Variants in DYSF observed in about 807,000 individuals in gnomAD.
DYSF encodes dystrophy-associated fer-1-like 1.
A neutral mutation model predicts 274.9 loss-of-function variants in DYSF; 212 were observed. The ratio of observed to expected loss-of-function variants is 0.77; its 90% confidence interval spans 0.69 to 0.86. DYSF has a LOEUF of 0.86. Among genes scored for constraint, DYSF ranks in the 40% least tolerant of loss-of-function variants. DYSF has a pLI of 0.00. For missense variants in DYSF, 2,666 were observed against 2,783.2 expected, an observed-to-expected ratio of 0.96 and a Z score of 0.95; for synonymous variants, 1,091 against 1,078.7, an observed-to-expected ratio of 1.01 and a Z score of -0.22.
chr2:71,686,089 C>CA (rs2095353242), intron 55 of DYSF, among the ~76,000 whole-genome samples: 1 of 152,196 alleles, frequency 6.6e-6, no homozygotes, highest in Non-Finnish European at 1.5e-5. Context: ...CCAGGGTGCT[C>CA]AGAGTCCTCT....
At chr2:71,473,918 A>ATTTTTTTTT (rs10659171) in intron 1 of DYSF, among the ~76,000 whole-genome samples, 2 of 83,806 alleles carry the variant, frequency 2.4e-5, no homozygotes, top group African/African-American at 5.7e-5. Flanking sequence ...TTTCTGTATG[A>ATTTTTTTTT]TTTTTTTTTT....
chr2:71,686,736 A>G lies in DYSF; in HGVS notation c.*244A>G, dbSNP rs933075564. 1 of 503,834 alleles carries G rather than the reference A, an allele frequency of 2.0e-6. No individual in the cohort carries two copies. The highest frequency in any genetic ancestry group is 3.1e-5 in the Admixed American group (1 of 32,602). The allele number at this position is 503,834 out of a possible 1,614,324, so 31.2% of individuals were successfully genotyped here. On this transcript the variant is annotated 3_prime_UTR_variant, in exon 56 of 56. Transcript: ENST00000410020. ...CGCTTTTTTGGATCAGCTCAGACAT[A>G]TTTCAGTATAAAACAGTTGGAACCA...
At chr2:71,584,644 C>G (rs952617195) in intron 30 of DYSF, among the ~76,000 whole-genome samples, 12 of 152,292 alleles carry the variant, frequency 7.9e-5, no homozygotes, top group Admixed American at 7.8e-4. Context: ...TGTGATAAAT[C>G]TTCATTGGAC....
intron 54 of DYSF, 99 bp from the exon 55 acceptor site, chr2:71,682,431 G>T (rs2095307817): frequency 1.3e-6 from 2 of 1,502,310 alleles, no homozygotes; most frequent in South Asian, 2.3e-5. Flanking sequence ...GGGGTGGACT[G>T]TGGAGGGCCA....
chr2:71,510,779 G>A (rs963463970), intron 4 of DYSF, among the ~76,000 whole-genome samples: 1 of 152,162 alleles, frequency 6.6e-6, no homozygotes, highest in African/African-American at 2.4e-5. Context: ...GTTTATAAAG[G>A]GTTTGTCAAA....
chr2:71,481,011 T>A (rs2082837603), intron 2 of DYSF, 73 bp downstream of exon 2: 1 of 1,472,662 alleles, frequency 6.8e-7, no homozygotes, highest in Non-Finnish European at 9.5e-7. Flanking sequence ...TTAGGGGGCT[T>A]GTGGAGGAGG....
At chr2:71,627,661 G>A (rs1820600) in intron 41 of DYSF, among the ~76,000 whole-genome samples, 1,637 of 152,128 alleles carry the variant, frequency 0.011, 24 homozygotes, top group African/African-American at 0.038. Flanking sequence ...ATTTCTGAGC[G>A]AGACATGAAA....
chr2:71,623,308 A>G (rs1232566118), intron 41 of DYSF, among the ~76,000 whole-genome samples: 1 of 146,034 alleles, frequency 6.8e-6, no homozygotes, highest in Admixed American at 6.8e-5. Context: ...TATATCTCCC[A>G]ATGCTGTCCC....
intron 1 of DYSF, among the ~76,000 whole-genome samples, chr2:71,457,133 C>A (rs1351524938): frequency 6.6e-6 from 1 of 152,210 alleles, no homozygotes; most frequent in African/African-American, 2.4e-5. Flanking sequence ...TGAAAGAGAT[C>A]TATTTAACTG....
chr2:71,543,842 GGAGACCGTGGAAA>G, intron 17 of DYSF, among the ~76,000 whole-genome samples: 1 of 149,882 alleles, frequency 6.7e-6, no homozygotes, highest in Admixed American at 6.6e-5. Context: ...GGCATCAGAG[GGAGACCGTGGAAA>G]GAGAGGGAGA....
chr2:71,683,219 C>T (rs115319184), intron 55 of DYSF, among the ~76,000 whole-genome samples: 178 of 152,234 alleles, frequency 1.2e-3, no homozygotes, highest in African/African-American at 4.1e-3. Context: ...TGTCGGGGAG[C>T]GGGAGGCTGG....
intron 41 of DYSF, among the ~76,000 whole-genome samples, chr2:71,635,609 C>T (rs1290061120): frequency 2.6e-5 from 4 of 151,754 alleles, no homozygotes; most frequent in Admixed American, 6.6e-5. Context: ...ATTAGCTGGG[C>T]GTGGTGGCAC....
intron 14 of DYSF, 102 bp downstream of exon 14, chr2:71,528,503 G>A: frequency 1.0e-6 from 1 of 992,162 alleles, no homozygotes; most frequent in South Asian, 1.4e-5. Context: ...GCCCCCACCA[G>A]AGGTGTGTGC....
At chr2:71,591,802 T>A (rs144417379) in intron 32 of DYSF, among the ~76,000 whole-genome samples, 80 of 152,350 alleles carry the variant, frequency 5.3e-4, no homozygotes, top group African/African-American at 1.7e-3. Flanking sequence ...CCAGTCTGTG[T>A]CCTTCTCTCC....
chr2:71,573,312 C>G (rs2092586881), intron 29 of DYSF, among the ~76,000 whole-genome samples: 1 of 152,212 alleles, frequency 6.6e-6, no homozygotes, highest in Non-Finnish European at 1.5e-5. Flanking sequence ...CCTGCCCAGG[C>G]TCATGTGCCT....
intron 10 of DYSF, among the ~76,000 whole-genome samples, chr2:71,517,518 C>T (rs1405847986): frequency 6.6e-6 from 1 of 152,006 alleles, no homozygotes; most frequent in Non-Finnish European, 1.5e-5. Context: ...TTTGGTCACA[C>T]CGAGTTCATC....
chr2:71,593,968 GGT>G (rs997321371), intron 32 of DYSF, among the ~76,000 whole-genome samples: 1 of 152,150 alleles, frequency 6.6e-6, no homozygotes, highest in African/African-American at 2.4e-5. Context: ...AATTTACAGG[GGT>G]GAGTACCTCT....
upstream of DYSF, among the ~76,000 whole-genome samples, chr2:71,464,298 G>A (rs887584099): frequency 5.9e-5 from 9 of 152,248 alleles, no homozygotes; most frequent in Admixed American, 5.9e-4. Context: ...TGAGGAAACA[G>A]CAGTGGACAA....
chr2:71,684,968 C>T (rs1419315562), intron 55 of DYSF, among the ~76,000 whole-genome samples: 3 of 151,998 alleles, frequency 2.0e-5, no homozygotes. Context: ...TCTGAAAAGC[C>T]AAGGGGAGGG....
Sources: allele counts gnomAD v4.1 joint callset (sites outside exome capture counted in the v4.1 genomes callset), GRCh38; gene constraint gnomAD v4.1.1; transcripts MANE v1.5; gene names NCBI Gene and HGNC (gene_info 2026-07-23, HGNC 2026-07-21).